The following VIT variants were observed in gnomAD, a reference collection of about 807,000 sequenced individuals.
VIT encodes vitrin.
In VIT, 99 loss-of-function variants were observed where a neutral mutation model predicts 78.0. The observed-to-expected ratio is 1.27, with a 90% CI of 1.08 to 1.50. VIT has a LOEUF of 1.50. Among genes scored for constraint, VIT ranks in the 40% most tolerant of loss-of-function variants. VIT has a pLI of 0.00. For synonymous variants in VIT, 374 were observed against 334.3 expected (o/e 1.12, Z -1.29); for missense variants, 1,126 against 875.3 (o/e 1.29, Z -3.61).
At chr2:36,810,911 G>A (rs7575421) in intron 15 of VIT, among the ~76,000 whole-genome samples, 2 of 152,176 alleles carry the variant, frequency 1.3e-5, no homozygotes, top group African/African-American at 4.8e-5. Flanking sequence ...TGGGATCACA[G>A]GCATGAGCCA....
intron 10 of VIT, among the ~76,000 whole-genome samples, chr2:36,782,404 G>A (rs1664818067): frequency 6.6e-6 from 1 of 152,212 alleles, no homozygotes; most frequent in South Asian, 2.1e-4. Context: ...TGAGCTAGCT[G>A]ACCTTTAACG....
Position 36,808,541 on chromosome 2 carries a change from C to A in VIT, c.1459C>A (p.Gln487Lys), listed in dbSNP as rs1666905670. The A allele has an allele frequency of 6.2e-7, 1 of 1,613,950 alleles. No individual in the cohort carries two copies. The highest frequency in any genetic ancestry group is 1.1e-5 in the South Asian group (1 of 91,086). Residue 487 changes from glutamine (Q) to lysine (K), a missense_variant, in exon 15 of 16, where the codon CAG becomes AAG. Coordinates refer to ENST00000379242, the MANE Select transcript of VIT (RefSeq NM_053276.4). ...CTGGTTTGGCCTCCACAAGACCCTG[C>A]AGCCTCTGGTGAAGCGGGTCTGCGA... ...QSWFGLHKTL[Q>K]PLVKRVCDTD...
chr2:36,739,401 G>C (rs1667698169), intron 3 of VIT, among the ~76,000 whole-genome samples: 2 of 152,144 alleles, frequency 1.3e-5, no homozygotes, highest in Admixed American at 1.3e-4. Flanking sequence ...GCCTAGGCAG[G>C]AGACCCAACC....
chr2:36,776,233 C>T (rs1670037159), intron 9 of VIT, among the ~76,000 whole-genome samples: 1 of 152,146 alleles, frequency 6.6e-6, no homozygotes, highest in African/African-American at 2.4e-5. Context: ...AAAGTGTGGT[C>T]CAAAGACCCC....
chr2:36,702,771 T>G (rs6730333), intron 1 of VIT, among the ~76,000 whole-genome samples: 74,611 of 151,998 alleles, frequency 0.49, 18,518 homozygotes, highest in East Asian at 0.61. Flanking sequence ...TGCTTCTTGT[T>G]CCCATAGGGC....
intron 6 of VIT, among the ~76,000 whole-genome samples, chr2:36,766,404 C>A (rs1669432077): frequency 6.6e-6 from 1 of 152,162 alleles, no homozygotes; most frequent in South Asian, 2.1e-4. Context: ...TGGTGTCTTG[C>A]ACCTGTAGTC....
intron 1 of VIT, among the ~76,000 whole-genome samples, chr2:36,715,241 T>C (rs1302053449): frequency 6.6e-6 from 1 of 152,070 alleles, no homozygotes; most frequent in African/African-American, 2.4e-5. Flanking sequence ...AGTAAACACA[T>C]TAAGATTTAA....
chr2:36,773,734 A>T (rs116154541), intron 7 of VIT, 57 bp from the exon 8 acceptor site: 259,581 of 1,377,154 alleles, frequency 0.19, 26,901 homozygotes, highest in Middle Eastern at 0.25. Context: ...AAAAATAAAT[A>T]AATTAATTAA....
chr2:36,808,119 G>A (rs181891785), intron 14 of VIT, among the ~76,000 whole-genome samples: 2 of 152,324 alleles, frequency 1.3e-5, no homozygotes, highest in African/African-American at 2.4e-5. Context: ...TGGTACCCAC[G>A]AATTCCAATC....
intron 13 of VIT, 113 bp from the exon 14 acceptor site, chr2:36,805,325 A>T (rs1572574632): frequency 8.2e-7 from 1 of 1,220,284 alleles, no homozygotes; most frequent in Non-Finnish European, 1.1e-6. Flanking sequence ...AAAAAAAAAA[A>T]AACTAGGGAG....
rs1186924253 is a variant in VIT at position 36,755,005 on chromosome 2, T to C, written c.360T>C (p.Gly120=). ...GTTACAAAGGGAGTTATTCCAACGGTGTCCAATCGTTATCCCTACCACGAT... is the reference window on the plus strand; with the variant it reads ...GTTACAAAGGGAGTTATTCCAACGGCGTCCAATCGTTATCCCTACCACGAT... ...QSGYKGSYSN[G]VQSLSLPRWR... is the part of the protein sequence containing the mutation. Residue 120 remains glycine, a synonymous_variant, in exon 5 of 16, where the codon GGT becomes GGC. Transcript: ENST00000379242. The C allele has an allele frequency of 6.2e-7, 1 of 1,614,046 alleles. No homozygotes were observed. The highest frequency in any genetic ancestry group is 1.3e-5 in the African/African-American group (1 of 74,922).
intron 1 of VIT, among the ~76,000 whole-genome samples, chr2:36,704,843 C>T (rs1665311592): frequency 6.6e-6 from 1 of 152,036 alleles, no homozygotes; most frequent in Non-Finnish European, 1.5e-5. Context: ...TGCAGACGCA[C>T]CCTCATCTTC....
At position 36,787,192 on chromosome 2, in the gene VIT, G is replaced by T; in HGVS notation, c.974G>T (p.Arg325Leu). The T allele has an allele frequency of 6.2e-7, 1 of 1,614,196 alleles. No individual in the cohort carries two copies. Among genetic ancestry groups the T allele is most frequent in the African/African-American group, 1.3e-5 (1 of 75,062 alleles). The change falls in exon 12 of 16, where the codon CGA becomes CTA. Residue 325 changes from arginine to leucine, a missense_variant. Coordinates refer to ENST00000379242, the MANE Select transcript of VIT (RefSeq NM_053276.4). ...GSTSIGKRRF[R>L]IQKQLLADVA... ...ACCAGCATTGGCAAACGGCGATTCC[G>T]AATCCAGAAGCAGCTCCTGGCTGAT...
intron 8 of VIT, among the ~76,000 whole-genome samples, 178 bp downstream of exon 8, chr2:36,774,025 A>C (rs1558560335): frequency 6.6e-6 from 1 of 152,206 alleles, no homozygotes. Flanking sequence ...AGAAGTGGTT[A>C]AGTAAGCAAA....
chr2:36,806,559 T>C (rs11902881), intron 14 of VIT, among the ~76,000 whole-genome samples: 6,830 of 152,060 alleles, frequency 0.045, 364 homozygotes, highest in East Asian at 0.17. Flanking sequence ...TCTTTTTTTC[T>C]TTTTTCAGAC....
At chr2:36,740,847 C>T (rs958573371) in intron 3 of VIT, among the ~76,000 whole-genome samples, 2 of 152,200 alleles carry the variant, frequency 1.3e-5, no homozygotes, top group African/African-American at 4.8e-5. Context: ...GAAGATCTTA[C>T]TGCATGTAAT....
intron 13 of VIT, among the ~76,000 whole-genome samples, chr2:36,803,406 G>T (rs1449115819): frequency 6.6e-6 from 1 of 152,194 alleles, no homozygotes; most frequent in Non-Finnish European, 1.5e-5. Flanking sequence ...CCCACTGGAA[G>T]GTGGATGGAA....
chr2:36,798,423 A>G (rs1314786269), intron 12 of VIT, among the ~76,000 whole-genome samples: 3 of 152,226 alleles, frequency 2.0e-5, no homozygotes, highest in East Asian at 3.9e-4. Flanking sequence ...GGGCTGTATA[A>G]GTAAAAGTGT....
intron 6 of VIT, among the ~76,000 whole-genome samples, chr2:36,762,914 A>T (rs776363461): frequency 6.6e-6 from 1 of 152,142 alleles, no homozygotes; most frequent in African/African-American, 2.4e-5. Context: ...ACCGCGCCCC[A>T]ACTGCCCTGG....
Sources: allele counts gnomAD v4.1 joint callset (sites outside exome capture counted in the v4.1 genomes callset), GRCh38; gene constraint gnomAD v4.1.1; transcripts MANE v1.5; gene names NCBI Gene and HGNC (gene_info 2026-07-23, HGNC 2026-07-21).